The following CHRNA1 variants were observed in gnomAD, a reference collection of about 807,000 sequenced individuals.
CHRNA1 encodes cholinergic receptor nicotinic alpha 1 subunit.
CHRNA1 carries 35 observed loss-of-function variants against 47.1 expected under a neutral mutation model. That is an observed-to-expected ratio of 0.74 (90% CI 0.57 to 0.99). The LOEUF (loss-of-function observed/expected upper bound fraction) is 0.99, where lower values mean the gene tolerates loss of function less well. Ranked by LOEUF, CHRNA1 falls within the 50% of genes least tolerant of loss-of-function variation. The probability of loss-of-function intolerance (pLI) is 0.00; values close to 1 mark genes in which losing one functional copy is unlikely to be tolerated. For synonymous variants in CHRNA1, 229 were observed against 223.6 expected, an observed-to-expected ratio of 1.02 and a Z score of -0.22; for missense variants, 506 against 591.1, an observed-to-expected ratio of 0.86 and a Z score of 1.49.
At chr2:174,757,283 C>A (rs1390150170) in intron 4 of CHRNA1, among the ~76,000 whole-genome samples, 3 of 152,044 alleles carry the variant, frequency 2.0e-5, no homozygotes, top group African/African-American at 7.2e-5. Flanking sequence ...CCATATGGCA[C>A]CCCTAGCCCG....
At chr2:174,764,112 G>A (rs757049390) in intron 1 of CHRNA1, among the ~76,000 whole-genome samples, 7 of 152,160 alleles carry the variant, frequency 4.6e-5, no homozygotes, top group Non-Finnish European at 1.0e-4. Flanking sequence ...AGAGACATGC[G>A]TGTCTATCTT....
chr2:174,748,842 G>T (rs759881073), intron 7 of CHRNA1, 23 bp from the exon 8 acceptor site: 1 of 1,612,454 alleles, frequency 6.2e-7, no homozygotes, highest in African/African-American at 1.3e-5. Flanking sequence ...AGAAATCCAT[G>T]CATGAGAATT....
chr2:174,764,406 G>A lies in CHRNA1; in HGVS notation c.-12C>T. The stretch of plus-strand genomic sequence containing the variant: ...GGCCAGGGCTCCATGGGCTACCGGA[G>A]CTTGTGTGGACCAGGGCAGAGTGGT... On this transcript the variant is annotated 5_prime_UTR_variant, in exon 1 of 9. Transcript: ENST00000348749. 1 of 1,611,840 alleles carries A rather than the reference G, an allele frequency of 6.2e-7. No individual in the cohort carries two copies. The highest frequency in any genetic ancestry group is 1.7e-4 in the Middle Eastern group (1 of 6,056).
chr2:174,754,212 C>G lies in CHRNA1; in HGVS notation c.540+7G>C, dbSNP rs998036491. 1.2e-6 allele frequency: 2 copies of G among 1,612,884 alleles called. No individual in the cohort carries two copies. The highest frequency in any genetic ancestry group is 1.3e-5 in the African/African-American group (1 of 75,016). On this transcript the variant is annotated splice_region_variant and intron_variant, in intron 5 of 8. Transcript: ENST00000348749. ...AACCACCCTTATCATATGTGGCCAC[C>G]ACCTACCGGGTTGATGGCCACGACA...
intron 8 of CHRNA1, 126 bp downstream of exon 8, chr2:174,748,454 A>G (rs1439900599): frequency 2.8e-6 from 4 of 1,427,464 alleles, no homozygotes; most frequent in Non-Finnish European, 3.8e-6. Flanking sequence ...GGCGGTCACC[A>G]GGGTTCATCT....
chr2:174,762,796 ACT>A (rs1684122801), intron 1 of CHRNA1, among the ~76,000 whole-genome samples: 1 of 152,230 alleles, frequency 6.6e-6, no homozygotes, highest in East Asian at 1.9e-4. Context: ...AAGAAGGGAA[ACT>A]CAACCACAGT....
At position 174,757,889 on chromosome 2, in the gene CHRNA1, C is replaced by T. The variant is rs532123980; in HGVS notation, c.235-214G>A. Reference sequence around the variant, plus strand: ...GCTCACACTGTTTCAAACAACTTACCTATATTAACTCATTTAGTCCTCACA... The same window carrying T: ...GCTCACACTGTTTCAAACAACTTACTTATATTAACTCATTTAGTCCTCACA... On this transcript the variant is annotated intron_variant, in intron 3 of 8. Transcript: ENST00000348749. 4.6e-5 allele frequency: 48 copies of T among 1,051,112 alleles called. No homozygotes were observed. The African/African-American group carries it at 6.2e-4, about 13-fold the overall frequency. 65.1% of individuals were successfully genotyped at this position (1,051,112 alleles called of 1,614,324 possible).
chr2:174,753,230 G>A, intron 6 of CHRNA1: 1 of 617,530 alleles, frequency 1.6e-6, no homozygotes, highest in Non-Finnish European at 2.9e-6. Context: ...AATAGGTATT[G>A]GTGGTTAATG....
At chr2:174,754,885 T>C (rs1340004848) in intron 4 of CHRNA1, among the ~76,000 whole-genome samples, 1 of 147,294 alleles carries the variant, frequency 6.8e-6, no homozygotes, top group Non-Finnish European at 1.5e-5. Context: ...TACTACTCTT[T>C]TTTTTTTTTT....
intron 1 of CHRNA1, among the ~76,000 whole-genome samples, chr2:174,762,128 G>A (rs1466789420): frequency 6.6e-6 from 1 of 152,118 alleles, no homozygotes; most frequent in African/African-American, 2.4e-5. Context: ...CCAATAACAA[G>A]GTGCCTGTTC....
chr2:174,750,232 T>G, intron 6 of CHRNA1, 63 bp from the exon 7 acceptor site: 3 of 1,238,196 alleles, frequency 2.4e-6, no homozygotes, highest in Non-Finnish European at 3.5e-6. Flanking sequence ...GGCTGCAGTG[T>G]TCCTCCCACC....
chr2:174,760,335 A>G (rs1684078711), intron 1 of CHRNA1, among the ~76,000 whole-genome samples: 1 of 152,210 alleles, frequency 6.6e-6, no homozygotes, highest in Non-Finnish European at 1.5e-5. Flanking sequence ...ATTATGGTAT[A>G]CCCCTACGAT....
rs761377757 is a variant in CHRNA1, at chr2:174,749,956, C to T, written c.992G>A (p.Trp331Ter). 1 of 1,614,038 alleles carries T rather than the reference C, an allele frequency of 6.2e-7. No homozygotes were observed. The highest frequency in any genetic ancestry group is 8.5e-7 in the Non-Finnish European group (1 of 1,179,990). ...GGCCTCCCCACTCACCTTCCGCACCCAGTTGGGCATGACATGGGTGCTGGG... is the reference window on the plus strand; with the variant it reads ...GGCCTCCCCACTCACCTTCCGCACCTAGTTGGGCATGACATGGGTGCTGGG... ...RSPSTHVMPN[W>*]VRKVFIDTIP... Residue 331 changes from tryptophan (W) to a stop codon, truncating the protein, a stop_gained, in exon 7 of 9, where the codon TGG (tryptophan) becomes TAG (stop). Transcript: ENST00000348749. LOFTEE classifies it high-confidence loss of function.
At position 174,757,658 on chromosome 2, in the gene CHRNA1, G is replaced by T; in HGVS notation, c.252C>A (p.Asn84Lys). 2 of 1,613,836 alleles carry T rather than the reference G, an allele frequency of 1.2e-6. No homozygotes were observed. The highest frequency in any genetic ancestry group is 1.7e-6 in the Non-Finnish European group (2 of 1,179,802). The change falls in exon 4 of 9, where the codon AAC (asparagine) becomes AAA (lysine). Residue 84 changes from asparagine (N) to lysine (K), a missense_variant. By Grantham distance (94) the Asn-to-Lys change is moderately conservative. Transcript: ENST00000348749. The stretch of plus-strand genomic sequence containing the variant: ...CATAGTCATCTGGATTCCATTTTAG[G>T]TTGTAATCCACCCATTGCTAGAAAC... ...VRLKQQWVDYNLKWNPDDYGG... is the reference protein window; with the variant it reads ...VRLKQQWVDYKLKWNPDDYGG...
At chr2:174,753,335 C>T in intron 6 of CHRNA1, 168 bp downstream of exon 6, 2 of 792,994 alleles carry the variant, frequency 2.5e-6, no homozygotes, top group Non-Finnish European at 4.6e-6. Context: ...GCTCCACTCA[C>T]AGTGACTCTC....
rs1221791819 is a variant in CHRNA1, at chr2:174,748,226, C to G, written c.1272G>C (p.Met424Ile). 6.2e-7 allele frequency: 1 copy of G among 1,614,022 alleles called. No individual in the cohort carries two copies. The highest frequency in any genetic ancestry group is 8.5e-7 in the Non-Finnish European group (1 of 1,180,036). Residue 424 changes from methionine (M) to isoleucine (I), a missense_variant, in exon 9 of 9, where the codon ATG (methionine) becomes ATC (isoleucine). Met to Ile is a conservative substitution (Grantham distance 10). Transcript: ENST00000348749. ...NAAAEWKYVA[M>I]VMDHILLGVF... The stretch of plus-strand genomic sequence containing the variant: ...CTCCGAGGAGTATGTGGTCCATCAC[C>G]ATTGCAACGTACTTCCACTCTGCCG...
chr2:174,758,364 G>A (rs1309670140), intron 3 of CHRNA1, among the ~76,000 whole-genome samples: 8 of 152,096 alleles, frequency 5.3e-5, no homozygotes, highest in South Asian at 2.1e-4. Flanking sequence ...AGCCGAGATC[G>A]CGCCATTGCA....
rs1237478063 is a variant in CHRNA1, at chr2:174,754,380, T to C, written c.379A>G (p.Lys127Glu). 3 of 1,614,176 alleles carry C rather than the reference T, an allele frequency of 1.9e-6. No homozygotes were observed. The highest frequency in any genetic ancestry group is 4.5e-5 in the East Asian group (2 of 44,880). The change falls in exon 5 of 9, where the codon AAA becomes GAA. Residue 127 changes from lysine (K) to glutamate (E), a missense_variant. Transcript: ENST00000348749. The part of the protein sequence containing the change: ...DGDFAIVKFT[K>E]VLLQYTGHIT... ...TGGCCAGTGTACTGCAGGAGCACTT[T>C]GGTGAACTTGACAATAGCAAAGTCA...
intron 6 of CHRNA1, among the ~76,000 whole-genome samples, chr2:174,752,025 C>T (rs1287204616): frequency 6.6e-6 from 1 of 151,952 alleles, no homozygotes; most frequent in East Asian, 1.9e-4. Context: ...TATAGAGACT[C>T]TTGTTAGTTC....
Sources: allele counts gnomAD v4.1 joint callset (sites outside exome capture counted in the v4.1 genomes callset), GRCh38; gene constraint gnomAD v4.1.1; transcripts MANE v1.5; gene names NCBI Gene and HGNC (gene_info 2026-07-23, HGNC 2026-07-21).